RSRC2: variants seen among roughly 807,000 people sequenced by gnomAD.
RSRC2 encodes arginine and serine rich coiled-coil 2.
A neutral mutation model predicts 61.3 loss-of-function variants in RSRC2; 5 were observed. The observed-to-expected ratio is 0.08, with a 90% CI of 0.04 to 0.17. The LOEUF (loss-of-function observed/expected upper bound fraction) is 0.17. Ranked by LOEUF, RSRC2 falls within the 10% of genes least tolerant of loss-of-function variation. The pLI is 1.00. For synonymous variants in RSRC2, 202 were observed against 166.5 expected, an observed-to-expected ratio of 1.21 and a Z score of -1.64; for missense variants, 381 against 518.8, an observed-to-expected ratio of 0.73 and a Z score of 2.58.
At chr12:122,525,556 C>A (rs989954690) in intron 1 of RSRC2, among the ~76,000 whole-genome samples, 8 of 152,078 alleles carry the variant, frequency 5.3e-5, no homozygotes, top group African/African-American at 1.7e-4. Flanking sequence ...GCATTCCAAT[C>A]GTTAGGAAGA....
chr12:122,505,334 G>C lies in RSRC2; in HGVS notation c.*193C>G. The C allele has an allele frequency of 2.2e-6, 1 of 460,378 alleles. No homozygotes were observed. Among genetic ancestry groups the C allele is most frequent in the Non-Finnish European group, 3.8e-6 (1 of 262,450 alleles). 28.5% of individuals were successfully genotyped at this position (460,378 alleles called of 1,614,324 possible). ...CTTCTATAGTCCTGTCAAGTTTAAT[G>C]GAAGTGGGTTTAACCTGATTACAAC... On this transcript the variant is annotated 3_prime_UTR_variant, in exon 10 of 10. Transcript: ENST00000331738.
At chr12:122,516,939 C>G (rs778048043) in intron 5 of RSRC2, among the ~76,000 whole-genome samples, 3 of 152,122 alleles carry the variant, frequency 2.0e-5, no homozygotes, top group Admixed American at 6.6e-5. Flanking sequence ...AAAATCTGCT[C>G]GCCTCGTTGT....
intron 9 of RSRC2, among the ~76,000 whole-genome samples, chr12:122,505,982 T>TTGGTCAGGC (rs1958091641): frequency 1.4e-5 from 2 of 145,676 alleles, no homozygotes; most frequent in Non-Finnish European, 3.0e-5. Flanking sequence ...TTTCACCACA[T>TTGGTCAGGC]TGGTCAGGCT....
At chr12:122,521,139 T>C in intron 3 of RSRC2, 1 of 417,060 alleles carries the variant, frequency 2.4e-6, no homozygotes, top group Non-Finnish European at 4.3e-6. Flanking sequence ...AATCATATTC[T>C]TCATATGAAA....
At chr12:122,525,819 T>A (rs1960187739) in intron 1 of RSRC2, among the ~76,000 whole-genome samples, 1 of 6,870 alleles carries the variant, frequency 1.5e-4, no homozygotes, top group African/African-American at 2.3e-3. Context: ...TTTTTTTTTT[T>A]TTTTTTTTTT....
rs773426962 is a variant in RSRC2 at position 122,511,097 on chromosome 12, G to GA, written c.805+11dup. ...CAAATCGAGATGACTAAAAAAGAAT[G>GA]AAAAAAATTACCTGCAGCTATTTCT... On this transcript the variant is annotated intron_variant, in intron 7 of 9. Coordinates refer to ENST00000331738, the MANE Select transcript of RSRC2 (RefSeq NM_023012.6). The GA allele has an allele frequency of 1.7e-5, 27 of 1,581,214 alleles. No individual in the cohort carries two copies. Among genetic ancestry groups the GA allele is most frequent in the Non-Finnish European group, 2.2e-5 (26 of 1,164,548 alleles).
chr12:122,526,507 G>C (rs1050451446), intron 1 of RSRC2, among the ~76,000 whole-genome samples: 2 of 151,762 alleles, frequency 1.3e-5, no homozygotes, highest in East Asian at 3.8e-4. Flanking sequence ...TTTCTCCACC[G>C]CAAATTCTCA....
At chr12:122,514,557 C>T in intron 6 of RSRC2, 1 of 974,012 alleles carries the variant, frequency 1.0e-6, no homozygotes, top group Non-Finnish European at 1.2e-6. Context: ...TGACCGATTG[C>T]ACCCGGCCGA....
intron 5 of RSRC2, 97 bp downstream of exon 5, chr12:122,517,130 G>A: frequency 7.8e-6 from 12 of 1,534,032 alleles, no homozygotes; most frequent in South Asian, 1.2e-5. Flanking sequence ...TCTATAAATA[G>A]AATTGTGACT....
At chr12:122,512,062 T>C (rs550267401) in intron 6 of RSRC2, among the ~76,000 whole-genome samples, 49 of 152,266 alleles carry the variant, frequency 3.2e-4, no homozygotes, top group Non-Finnish European at 6.6e-4. Flanking sequence ...CGCCTTGGCC[T>C]CCCGAAGTGC....
intron 1 of RSRC2, 55 bp downstream of exon 1, chr12:122,526,793 T>C (rs1960596859): frequency 2.5e-6 from 4 of 1,605,510 alleles, no homozygotes; most frequent in Non-Finnish European, 3.4e-6. Flanking sequence ...GTTCACCCAC[T>C]GTTGGAACGT....
At chr12:122,508,176 A>G (rs1362658967) in intron 8 of RSRC2, 42 bp downstream of exon 8, 1 of 1,542,876 alleles carries the variant, frequency 6.5e-7, no homozygotes, top group South Asian at 1.1e-5. Context: ...AGCAATTACT[A>G]ATTAGGAATA....
intron 5 of RSRC2, among the ~76,000 whole-genome samples, chr12:122,516,801 TCC>T (rs992473578): frequency 2.5e-4 from 38 of 152,262 alleles, no homozygotes; most frequent in African/African-American, 7.7e-4. Context: ...CAAGTGATTA[TCC>T]CACCTCAGCC....
chr12:122,513,724 A>C, intron 6 of RSRC2: 1 of 905,452 alleles, frequency 1.1e-6, no homozygotes, highest in African/African-American at 1.8e-5. Flanking sequence ...ATTTGGAATT[A>C]ATACCATTCA....
intron 7 of RSRC2, among the ~76,000 whole-genome samples, chr12:122,508,816 C>G (rs908079824): frequency 1.3e-5 from 2 of 151,872 alleles, no homozygotes; most frequent in Non-Finnish European, 2.9e-5. Flanking sequence ...ATTAGCCGGG[C>G]GTGGTGGTAC....
chr12:122,512,631 C>G (rs991936837), intron 6 of RSRC2, among the ~76,000 whole-genome samples: 22 of 150,986 alleles, frequency 1.5e-4, no homozygotes, highest in African/African-American at 4.6e-4. Flanking sequence ...ACTTGGGGTG[C>G]TGAGGCAGGA....
At chr12:122,510,327 G>A (rs1593368931) in intron 7 of RSRC2, among the ~76,000 whole-genome samples, 1 of 151,192 alleles carries the variant, frequency 6.6e-6, no homozygotes, top group African/African-American at 2.4e-5. Context: ...TCAAGAGATC[G>A]ACACCATCCT....
intron 3 of RSRC2, chr12:122,519,595 A>C (rs1321163449): frequency 2.6e-5 from 4 of 154,080 alleles, no homozygotes; most frequent in African/African-American, 9.6e-5. Context: ...CCAATGTCTA[A>C]ACTGTGAAGC....
chr12:122,522,170 T>C lies in RSRC2; in HGVS notation c.136A>G (p.Arg46Gly). The change falls in exon 2 of 10, where the codon AGG becomes GGG. Residue 46 changes from arginine to glycine, a missense_variant. This residue lies in a region of RSRC2 where 266 missense variants were observed against 270.5 expected (regional missense o/e 0.98). Transcript: ENST00000331738. The stretch of plus-strand genomic sequence containing the variant: ...GACTTTCGTTTTCTTTCTCTTGACC[T>C]TGATCGTGATCTTGAATAATGATGT... ...SKHHYSRSRS[R>G]SRERKRKSDN... 6.2e-7 allele frequency: 1 copy of C among 1,612,700 alleles called. No homozygotes were observed. The highest frequency in any genetic ancestry group is 8.5e-7 in the Non-Finnish European group (1 of 1,179,672).
Sources: gnomAD v4.1 joint callset for allele counts (sites outside exome capture counted in the v4.1 genomes callset) on GRCh38, gnomAD v4.1.1 for gene constraint, gnomAD v4.1.1 regional missense constraint, MANE v1.5 for transcripts, NCBI Gene and HGNC (gene_info 2026-07-23, HGNC 2026-07-21) for gene names.